Variants in CDC42BPA observed in about 807,000 individuals in gnomAD.
CDC42BPA encodes the protein serine/threonine-protein kinase MRCK alpha.
Under a neutral mutation model 223.5 loss-of-function variants are expected in CDC42BPA, and 80 were observed. The observed-to-expected ratio is 0.36, with a 90% confidence interval of 0.30 to 0.43. The LOEUF is 0.43. Among genes scored for constraint, CDC42BPA ranks in the 20% least tolerant of loss-of-function variants. CDC42BPA has a pLI of 1.00. For synonymous variants in CDC42BPA, 694 were observed against 718.6 expected (o/e 0.97, Z 0.55); for missense variants, 1,743 against 2,099.9 (o/e 0.83, Z 3.32).
rs935258155 is a variant in CDC42BPA, at chr1:226,992,289, T to C, written c.*1979A>G. ...AAGATTTGGGAGATTAGAACTGTGC[T>C]GTGAATTACACCCATCCAAAATAAA... On this transcript the variant is annotated 3_prime_UTR_variant, in exon 37 of 37. Transcript: ENST00000366766. The C allele has an allele frequency of 2.0e-5, 3 of 152,254 alleles. No homozygotes were observed. The highest frequency in any genetic ancestry group is 7.2e-5 in the African/African-American group (3 of 41,470). The allele number at this position is 152,254 out of a possible 1,614,324, so 9.4% of individuals were successfully genotyped here. A position where few individuals can be genotyped will look rare whatever the true frequency, so the allele number is the denominator to read the frequency against.
chr1:227,108,410 T>G (rs1166398588), intron 14 of CDC42BPA, among the ~76,000 whole-genome samples: 2 of 76,636 alleles, frequency 2.6e-5, no homozygotes, highest in African/African-American at 5.9e-5. Flanking sequence ...GCATTCCAGG[T>G]TTTTTTTTTC....
chr1:227,264,702 T>G, intron 1 of CDC42BPA: 1 of 672,462 alleles, frequency 1.5e-6, no homozygotes, highest in South Asian at 1.9e-5. Context: ...GGCTTTAACA[T>G]GAGAAATAAA....
At chr1:227,153,287 G>A (rs1662130571) in intron 6 of CDC42BPA, among the ~76,000 whole-genome samples, 2 of 151,598 alleles carry the variant, frequency 1.3e-5, no homozygotes, top group African/African-American at 2.4e-5. Flanking sequence ...AAACTGGCCT[G>A]TTACAAAATC....
At chr1:227,275,078 T>C (rs200300129) in intron 1 of CDC42BPA, among the ~76,000 whole-genome samples, 1 of 140,736 alleles carries the variant, frequency 7.1e-6, no homozygotes, top group Non-Finnish European at 1.6e-5. Context: ...GCAATACAAC[T>C]ACAAGAAGAA....
intron 35 of CDC42BPA, among the ~76,000 whole-genome samples, chr1:227,000,356 A>AT (rs145480582): frequency 1.3e-5 from 2 of 152,124 alleles, no homozygotes; most frequent in South Asian, 4.1e-4. Context: ...GCCATAAAAT[A>AT]TTTTTTGAGT....
intron 24 of CDC42BPA, among the ~76,000 whole-genome samples, chr1:227,037,174 G>A (rs1643540026): frequency 6.6e-6 from 1 of 152,224 alleles, no homozygotes; most frequent in Non-Finnish European, 1.5e-5. Context: ...TACTGGCTAA[G>A]TTCCAAAATG....
At chr1:227,062,551 G>A (rs1048546041) in intron 21 of CDC42BPA, among the ~76,000 whole-genome samples, 3 of 152,242 alleles carry the variant, frequency 2.0e-5, no homozygotes, top group East Asian at 3.9e-4. Flanking sequence ...GAAATATTAC[G>A]CTTAAGGGCA....
At chr1:227,138,465 A>T (rs1393651160) in intron 10 of CDC42BPA, among the ~76,000 whole-genome samples, 1 of 145,680 alleles carries the variant, frequency 6.9e-6, no homozygotes, top group East Asian at 2.0e-4. Flanking sequence ...AGCAAAGGAG[A>T]CTGGGAAGGA....
intron 21 of CDC42BPA, among the ~76,000 whole-genome samples, chr1:227,057,186 C>G (rs1181497292): frequency 6.6e-6 from 1 of 152,086 alleles, no homozygotes; most frequent in Non-Finnish European, 1.5e-5. Flanking sequence ...GGAAATCTCT[C>G]TCATCATTTG....
intron 2 of CDC42BPA, 52 bp downstream of exon 2, chr1:227,254,012 C>G: frequency 1.0e-6 from 1 of 980,878 alleles, no homozygotes; most frequent in Non-Finnish European, 1.6e-6. Flanking sequence ...CAATTGTGTT[C>G]AACAGCTTCC....
chr1:227,051,029 A>G (rs1245699949), intron 22 of CDC42BPA, among the ~76,000 whole-genome samples: 2 of 152,238 alleles, frequency 1.3e-5, no homozygotes, highest in East Asian at 1.9e-4. Context: ...AATTATAACT[A>G]AAAACACAAG....
intron 3 of CDC42BPA, among the ~76,000 whole-genome samples, chr1:227,209,966 G>A (rs1209787316): frequency 1.2e-4 from 18 of 149,702 alleles, no homozygotes; most frequent in African/African-American, 2.2e-4. Context: ...GGTAGAATTC[G>A]GCTGTGAATC....
At chr1:227,280,294 T>C (rs1028813865) in intron 1 of CDC42BPA, among the ~76,000 whole-genome samples, 3 of 152,238 alleles carry the variant, frequency 2.0e-5, no homozygotes, top group Non-Finnish European at 4.4e-5. Context: ...ATACTTTTTA[T>C]AGAAGCTCTT....
In CDC42BPA at chr1:227,200,448, A is replaced by AC. The variant is rs201961302; in HGVS notation, c.355-797_355-796insG. Reference sequence around the variant, plus strand: ...CTTGCCTTAAAAAACAAACAAACAAAAAAAAAACGAAAGAAAGAAAGAAAA... The same window carrying AC: ...CTTGCCTTAAAAAACAAACAAACAAACAAAAAAACGAAAGAAAGAAAGAAAA... On this transcript the variant is annotated intron_variant, in intron 3 of 36. Transcript: ENST00000366766. 6.4e-3 allele frequency among the ~76,000 whole-genome samples: 903 copies of AC among 141,018 alleles called. 18 individuals are homozygous for AC. Among genetic ancestry groups the AC allele is most frequent in the African/African-American group, 0.021 (848 of 39,840 alleles). 92.5% of individuals were successfully genotyped at this position (141,018 alleles called of 152,430 possible). A position where few individuals can be genotyped will look rare whatever the true frequency, so the allele number is the denominator to read the frequency against.
At chr1:227,081,660 G>T (rs1680696001) in intron 16 of CDC42BPA, among the ~76,000 whole-genome samples, 1 of 151,890 alleles carries the variant, frequency 6.6e-6, no homozygotes, top group African/African-American at 2.4e-5. Context: ...CACCATGTTG[G>T]TCAGGCTGGT....
chr1:227,099,535 T>C (rs1330757127), intron 15 of CDC42BPA, among the ~76,000 whole-genome samples: 4 of 152,160 alleles, frequency 2.6e-5, no homozygotes, highest in Admixed American at 6.6e-5. Flanking sequence ...TTCCCTGCAA[T>C]AGTTTTACTC....
chr1:227,013,055 A>G (rs1276172145), intron 34 of CDC42BPA, among the ~76,000 whole-genome samples: 1 of 152,166 alleles, frequency 6.6e-6, no homozygotes, highest in Non-Finnish European at 1.5e-5. Flanking sequence ...ATTCAGACAG[A>G]TAAAATCTTT....
rs1467396552 is a variant in CDC42BPA at position 227,313,590 on chromosome 1, AAATGT to A, written c.178+3410_178+3414del. Among the ~76,000 whole-genome samples, 3 of 152,230 alleles carry A rather than the reference AAATGT, an allele frequency of 2.0e-5. No individual in the cohort carries two copies. The East Asian group carries it at 5.8e-4, about 29-fold the overall frequency. Reference sequence around the variant, plus strand: ...TTCTAGTTGAGAACTTAAATAAAATAAATGTAATCATCTGTATTAAGTGAACATTT... The same window carrying A: ...TTCTAGTTGAGAACTTAAATAAAATAAATCATCTGTATTAAGTGAACATTT... On this transcript the variant is annotated intron_variant, in intron 1 of 36. Coordinates refer to ENST00000366766, the MANE Select transcript of CDC42BPA (RefSeq NM_001394014.1).
intron 16 of CDC42BPA, among the ~76,000 whole-genome samples, chr1:227,084,818 T>C (rs1014766497): frequency 1.3e-5 from 2 of 152,072 alleles, no homozygotes; most frequent in Non-Finnish European, 2.9e-5. Flanking sequence ...CAAACATTAT[T>C]CTGGGTAGGT....
Sources: allele counts gnomAD v4.1 joint callset (sites outside exome capture counted in the v4.1 genomes callset), GRCh38; gene constraint gnomAD v4.1.1; transcripts MANE v1.5; gene names NCBI Gene and HGNC (gene_info 2026-07-23, HGNC 2026-07-21).